Variants in KDM6A observed in about 807,000 individuals in gnomAD.
KDM6A encodes the protein lysine-specific demethylase 6A.
KDM6A carries 11 observed loss-of-function variants against 117.6 expected under a neutral mutation model. The ratio of observed to expected loss-of-function variants is 0.09; its 90% CI spans 0.06 to 0.15. KDM6A has a LOEUF of 0.15. KDM6A is among the 10% of genes least tolerant of loss of function. The pLI is 1.00. For synonymous variants in KDM6A, 384 were observed against 396.1 expected (o/e 0.97, Z 0.36); for missense variants, 799 against 1,077.3 (o/e 0.74, Z 3.62).
intron 2 of KDM6A, among the ~76,000 whole-genome samples, chrX:44,945,440 C>T (rs1362984577): frequency 9.1e-6 from 1 of 109,701 alleles, no homozygotes; most frequent in African/African-American, 3.3e-5. Context: ...AGCAGAAGTC[C>T]GAAGACTTAA....
intron 5 of KDM6A, among the ~76,000 whole-genome samples, chrX:45,019,841 A>G (rs2042103015): frequency 8.9e-6 from 1 of 111,975 alleles, no homozygotes; most frequent in Non-Finnish European, 1.9e-5. Context: ...AAACAATATA[A>G]TAATGTATTC....
At chrX:44,977,122 G>T (rs1168842081) in intron 4 of KDM6A, among the ~76,000 whole-genome samples, 1 of 111,492 alleles carries the variant, frequency 9.0e-6, no homozygotes, top group Non-Finnish European at 1.9e-5. Flanking sequence ...TGTTTTTGTT[G>T]TTGTACCTAA....
intron 8 of KDM6A, among the ~76,000 whole-genome samples, chrX:45,038,279 TATTTAAG>T (rs1480663886): frequency 8.9e-6 from 1 of 111,797 alleles, no homozygotes; most frequent in Non-Finnish European, 1.9e-5. Context: ...CAAATGGCTA[TATTTAAG>T]ATTTATCTTA....
chrX:45,043,013 A>C (rs1453550642), intron 8 of KDM6A, among the ~76,000 whole-genome samples: 2 of 112,777 alleles, frequency 1.8e-5, no homozygotes, highest in Non-Finnish European at 3.7e-5. Flanking sequence ...GTCGTGGCCG[A>C]GCGCAGTGGT....
chrX:45,089,680 C>A (rs1350363806), intron 25 of KDM6A, 63 bp from the exon 26 acceptor site: 3 of 815,601 alleles, frequency 3.7e-6, no homozygotes, highest in East Asian at 6.6e-5. Flanking sequence ...ACATTTTCTT[C>A]CAGTCTTACT....
intron 2 of KDM6A, among the ~76,000 whole-genome samples, chrX:44,877,056 C>T (rs1055433179): frequency 1.9e-5 from 2 of 108,093 alleles, no homozygotes; most frequent in African/African-American, 7.1e-5. Flanking sequence ...TATGTATATG[C>T]GTATACACAT....
chrX:44,899,632 G>C (rs2034200620), intron 2 of KDM6A, among the ~76,000 whole-genome samples: 1 of 110,432 alleles, frequency 9.1e-6, no homozygotes, highest in African/African-American at 3.3e-5. Context: ...CGAAAACCCA[G>C]GGATCTCATT....
In KDM6A at chrX:45,080,795, A is replaced by G. The variant is rs2045361394; in HGVS notation, c.3300+1444A>G. Among the ~76,000 whole-genome samples the G allele has an allele frequency of 4.4e-5, 5 of 112,544 alleles. No homozygotes were observed. In the Admixed American group the frequency reaches 4.7e-4, roughly 11 times the overall value. On this transcript the variant is annotated intron_variant, in intron 21 of 29. Transcript: ENST00000611820. The stretch of plus-strand genomic sequence containing the variant: ...GATACTTCAAGTACCTGGTAATATT[A>G]TAGTCAGAAGAGAATAAATAGTAAG...
chrX:45,081,253 C>T (rs2045389273), intron 21 of KDM6A, among the ~76,000 whole-genome samples: 1 of 111,678 alleles, frequency 9.0e-6, no homozygotes, highest in Admixed American at 9.5e-5. Flanking sequence ...TTTTAGTATG[C>T]TTTAAGACAT....
Position 45,107,560 on chromosome X carries a change from GT to G in KDM6A, c.4161+26del, listed in dbSNP as rs11343829. The G allele has an allele frequency of 0.082, 99,193 of 1,203,042 alleles. 5,917 individuals carry two copies. The highest frequency in any genetic ancestry group is 0.44 in the African/African-American group (24,874 of 56,498). On this transcript the variant is annotated intron_variant, in intron 28 of 29. Coordinates refer to ENST00000611820, the MANE Select transcript of KDM6A (RefSeq NM_001291415.2). ...AAGTAAGTAATTGTTTTTATCCACA[GT>G]TGTTTTATAAAGCCTCTTCCCTCTC...
At chrX:45,004,778 T>G (rs2041344893) in intron 4 of KDM6A, among the ~76,000 whole-genome samples, 1 of 111,379 alleles carries the variant, frequency 9.0e-6, no homozygotes, top group Non-Finnish European at 1.9e-5. Flanking sequence ...TGGTCCGCGG[T>G]AGGAACGTTT....
Position 44,934,597 on chromosome X carries a change from G to A in KDM6A, c.226-26687G>A, listed in dbSNP as rs752705254. On this transcript the variant is annotated intron_variant, in intron 2 of 29. Coordinates refer to ENST00000611820, the MANE Select transcript of KDM6A (RefSeq NM_001291415.2). ...TTCATTATTTGGTGTTAACTTCATG[G>A]GAAAAAATTAGGTTCTACTCTTTAT... is the stretch of plus-strand genomic sequence containing the variant. Among the ~76,000 whole-genome samples the A allele has an allele frequency of 9.0e-5, 10 of 111,195 alleles. No homozygotes were observed. The South Asian group carries it at 3.8e-3, about 42-fold the overall frequency.
At chrX:44,883,879 G>A (rs1218794216) in intron 2 of KDM6A, among the ~76,000 whole-genome samples, 3 of 110,449 alleles carry the variant, frequency 2.7e-5, no homozygotes, top group Non-Finnish European at 5.7e-5. Flanking sequence ...GAGGCTGGTG[G>A]ATCACCTGAG....
rs765823583 is a variant in KDM6A at position 44,873,924 on chromosome X, C to T, written c.162C>T (p.Ser54=). Residue 54 remains serine (S), a splice_region_variant and synonymous_variant, in exon 2 of 30, where the codon AGC becomes AGT. Coordinates refer to ENST00000611820, the MANE Select transcript of KDM6A (RefSeq NM_001291415.2). ...EEREALGGLD[S]RLFGFVRFHE... ...GAGTAAACTGTGTCTGTCTCCACAG[C>T]CGCCTCTTTGGGTTCGTGAGATTTC... 3.0e-5 allele frequency: 36 copies of T among 1,209,192 alleles called. No homozygotes were observed. The South Asian group carries it at 6.2e-4, about 21-fold the overall frequency.
At chrX:44,884,739 A>C (rs2032687122) in intron 2 of KDM6A, among the ~76,000 whole-genome samples, 1 of 111,379 alleles carries the variant, frequency 9.0e-6, no homozygotes, top group Non-Finnish European at 1.9e-5. Context: ...TGGCTTTCAT[A>C]ACATCCTTGC....
intron 2 of KDM6A, among the ~76,000 whole-genome samples, chrX:44,924,313 C>T (rs73488853): frequency 0.014 from 1,529 of 111,722 alleles, 33 homozygotes; most frequent in African/African-American, 0.047. Context: ...TTCAATATTC[C>T]GGCCGCATGC....
In KDM6A at chrX:45,055,938, A is replaced by G. The variant is rs751532118; in HGVS notation, c.875+1983A>G. ...TAATGAACCATGTGTAGAATTAACT[A>G]TCATAGTCATGCTGTAATTTTCAGC... On this transcript the variant is annotated intron_variant, in intron 10 of 29. Transcript: ENST00000611820. 7.2e-5 allele frequency among the ~76,000 whole-genome samples: 8 copies of G among 111,662 alleles called. No individual in the cohort carries two copies. In the East Asian group the frequency reaches 1.4e-3, roughly 19 times the overall value.
chrX:45,049,959 C>G (rs1009209081), intron 8 of KDM6A, among the ~76,000 whole-genome samples: 1 of 112,873 alleles, frequency 8.9e-6, no homozygotes, highest in South Asian at 3.6e-4. Flanking sequence ...TGGCCCTTAT[C>G]CTTGGCCTAA....
At chrX:44,956,848 G>A (rs1602338493) in intron 2 of KDM6A, among the ~76,000 whole-genome samples, 1 of 111,284 alleles carries the variant, frequency 9.0e-6, no homozygotes, top group East Asian at 2.8e-4. Flanking sequence ...TACGGGTAGG[G>A]CTCATAATTG....
Sources: allele counts gnomAD v4.1 joint callset (sites outside exome capture counted in the v4.1 genomes callset), GRCh38; gene constraint gnomAD v4.1.1; transcripts MANE v1.5; gene names NCBI Gene and HGNC (gene_info 2026-07-23, HGNC 2026-07-21).